RGS6: variants seen among roughly 807,000 people sequenced by gnomAD.
RGS6 encodes the protein regulator of G protein signaling 6.
A neutral mutation model predicts 78.5 loss-of-function variants in RGS6; 30 were observed. The observed-to-expected ratio is 0.38, with a 90% CI of 0.29 to 0.52. The LOEUF is 0.52. Ranked by LOEUF, RGS6 falls within the 20% of genes least tolerant of loss-of-function variation. The pLI is 0.85. For missense variants in RGS6, 495 were observed against 609.7 expected (o/e 0.81, Z 1.98); for synonymous variants, 206 against 206.0 (o/e 1.00, Z 0.00).
At chr14:72,228,390 TAA>T (rs376875915) in intron 2 of RGS6, among the ~76,000 whole-genome samples, 17,451 of 151,810 alleles carry the variant, frequency 0.11, 1,247 homozygotes, top group East Asian at 0.33. Flanking sequence ...CAAAAAATAA[TAA>T]TAATAAAATA....
intron 1 of RGS6, among the ~76,000 whole-genome samples, chr14:71,955,123 C>T (rs561230086): frequency 6.6e-6 from 1 of 152,234 alleles, no homozygotes; most frequent in East Asian, 1.9e-4. Flanking sequence ...TCAAATCCCC[C>T]CAAGGGTCCT....
At chr14:72,526,407 G>A (rs1041165265) in intron 15 of RGS6, among the ~76,000 whole-genome samples, 4 of 152,144 alleles carry the variant, frequency 2.6e-5, no homozygotes, top group Non-Finnish European at 5.9e-5. Flanking sequence ...GCCTGGCCAG[G>A]AAAACACTTT....
chr14:71,890,647 C>A, the RGS6 span, among the ~76,000 whole-genome samples: 1 of 152,200 alleles, frequency 6.6e-6, no homozygotes, highest in African/African-American at 2.4e-5. Flanking sequence ...ATAACTGTTA[C>A]AATTTATTTT....
At chr14:72,439,172 G>T (rs2095076878) in intron 3 of RGS6, among the ~76,000 whole-genome samples, 1 of 152,166 alleles carries the variant, frequency 6.6e-6, no homozygotes, top group Non-Finnish European at 1.5e-5. Context: ...TTGGTTTCAT[G>T]CAGTTTCCTT....
the RGS6 span, among the ~76,000 whole-genome samples, chr14:71,898,648 C>T: frequency 6.6e-6 from 1 of 152,138 alleles, no homozygotes; most frequent in African/African-American, 2.4e-5. Flanking sequence ...GGTATTTGGC[C>T]TAATGCTCTC....
intron 2 of RGS6, among the ~76,000 whole-genome samples, chr14:72,331,156 G>T (rs748119121): frequency 6.6e-6 from 1 of 151,200 alleles, no homozygotes; most frequent in Non-Finnish European, 1.5e-5. Flanking sequence ...GAAGACTCAA[G>T]ATCTGGGTCC....
chr14:72,553,828 C>T (rs978515360), intron 17 of RGS6, among the ~76,000 whole-genome samples: 4 of 152,196 alleles, frequency 2.6e-5, no homozygotes, highest in African/African-American at 7.2e-5. Flanking sequence ...CTGCAGGAAA[C>T]GTAGCAATCT....
chr14:72,271,198 G>C (rs540944626), intron 2 of RGS6, among the ~76,000 whole-genome samples: 1 of 152,276 alleles, frequency 6.6e-6, no homozygotes, highest in East Asian at 1.9e-4. Flanking sequence ...CCAAGACTGG[G>C]TAATTTATAA....
intron 2 of RGS6, among the ~76,000 whole-genome samples, chr14:72,098,571 A>G (rs2095460114): frequency 6.6e-6 from 1 of 152,218 alleles, no homozygotes; most frequent in Non-Finnish European, 1.5e-5. Context: ...ATTTTGATTG[A>G]CAGGCACAGG....
intron 2 of RGS6, among the ~76,000 whole-genome samples, chr14:72,218,960 C>T (rs2046241610): frequency 6.6e-6 from 1 of 151,852 alleles, no homozygotes; most frequent in Admixed American, 6.6e-5. Context: ...TCATGGCCAG[C>T]AATATGTCCC....
intron 16 of RGS6, chr14:72,537,841 G>C (rs1225759380): frequency 3.1e-6 from 1 of 321,274 alleles, no homozygotes; most frequent in Non-Finnish European, 5.6e-6. Flanking sequence ...AGAGAAGCTA[G>C]AGGCCATTGA....
chr14:71,967,050 T>A (rs2093564521), intron 2 of RGS6, among the ~76,000 whole-genome samples: 1 of 152,048 alleles, frequency 6.6e-6, no homozygotes, highest in South Asian at 2.1e-4. Context: ...AGAACTTGGT[T>A]TTTACTTTTT....
the RGS6 span, among the ~76,000 whole-genome samples, chr14:71,918,460 A>G: frequency 6.6e-6 from 1 of 152,086 alleles, no homozygotes; most frequent in African/African-American, 2.4e-5. Context: ...CCTTCTCTTA[A>G]TTTTGTTTAG....
chr14:72,576,670 C>T, the RGS6 span, among the ~76,000 whole-genome samples: 1 of 152,206 alleles, frequency 6.6e-6, no homozygotes, highest in Admixed American at 6.5e-5. Context: ...TCCCATGATG[C>T]AGACAGATTT....
rs528672093 is a variant in RGS6 at position 72,176,866 on chromosome 14, A to C, written c.85-175229A>C. Among the ~76,000 whole-genome samples the C allele has an allele frequency of 2.8e-3, 427 of 152,286 alleles. 1 individual carries two copies. Among genetic ancestry groups the C allele is most frequent in the African/African-American group, 9.6e-3 (399 of 41,554 alleles). Reference sequence around the variant, plus strand: ...TTCACTTAGGTCAAGATACAGACCAACCCACCACCCCAGAAGGAGCTCTTG... The same window carrying C: ...TTCACTTAGGTCAAGATACAGACCACCCCACCACCCCAGAAGGAGCTCTTG... On this transcript the variant is annotated intron_variant, in intron 2 of 17. Coordinates refer to ENST00000553525, the MANE Select transcript of RGS6 (RefSeq NM_001204424.2).
intron 3 of RGS6, among the ~76,000 whole-genome samples, chr14:72,425,124 T>C (rs1386582532): frequency 2.6e-5 from 4 of 152,146 alleles, no homozygotes; most frequent in African/African-American, 9.7e-5. Context: ...AAAGAAAGAA[T>C]TGATGGATTG....
chr14:72,006,628 T>C (rs1005034312), intron 2 of RGS6, among the ~76,000 whole-genome samples: 2 of 152,232 alleles, frequency 1.3e-5, no homozygotes, highest in Non-Finnish European at 2.9e-5. Context: ...GGCCATCAGC[T>C]TGATTGCAAA....
rs557608685 is a variant in RGS6, at chr14:72,442,617, A to C, written c.185-11911A>C. Among the ~76,000 whole-genome samples the C allele has an allele frequency of 2.6e-5, 4 of 152,332 alleles. No homozygotes were observed. The South Asian group carries it at 6.2e-4, about 24-fold the overall frequency. On this transcript the variant is annotated intron_variant, in intron 3 of 17. Coordinates refer to ENST00000553525, the MANE Select transcript of RGS6 (RefSeq NM_001204424.2). ...CGGCAATGACAACAATGATAAACTC[A>C]CCACTTACTGACCATTGGCTGTGTG...
the RGS6 span, among the ~76,000 whole-genome samples, chr14:71,905,567 T>C: frequency 2.0e-5 from 3 of 152,178 alleles, no homozygotes; most frequent in African/African-American, 7.2e-5. Context: ...CTGGGCTCAC[T>C]GCAACCTCCA....
Sources: allele counts gnomAD v4.1 joint callset (sites outside exome capture counted in the v4.1 genomes callset), GRCh38; gene constraint gnomAD v4.1.1; transcripts MANE v1.5; gene names NCBI Gene and HGNC (gene_info 2026-07-23, HGNC 2026-07-21).